The following PATJ variants were observed in gnomAD, a reference collection of about 807,000 sequenced individuals.
PATJ encodes the protein inaD-like protein.
PATJ carries 190 observed loss-of-function variants against 224.9 expected under a neutral mutation model. That is an observed-to-expected ratio of 0.84 (90% CI 0.75 to 0.95). The LOEUF is 0.95. Ranked by LOEUF, PATJ falls within the 40% of genes least tolerant of loss-of-function variation. The pLI, the probability that PATJ is intolerant of heterozygous loss-of-function variation, is 0.00. For synonymous variants in PATJ, 769 were observed against 820.3 expected (o/e 0.94, Z 1.07); for missense variants, 2,121 against 2,270.3 (o/e 0.93, Z 1.34).
At position 62,086,230 on chromosome 1, in the gene PATJ, G is replaced by A. The variant is rs570924330; in HGVS notation, c.4377+1582G>A. 9.3e-6 allele frequency among the ~76,000 whole-genome samples: 1 copy of A among 108,078 alleles called. No individual in the cohort carries two copies. The highest frequency in any genetic ancestry group is 3.0e-5 in the African/African-American group (1 of 32,910). 70.9% of individuals were successfully genotyped at this position (108,078 alleles called of 152,430 possible). On this transcript the variant is annotated intron_variant, in intron 33 of 43. Coordinates refer to ENST00000642238, the MANE Select transcript of PATJ (RefSeq NM_001350145.3). This position sits in a 1 kb window ranked among gnomAD's most constrained non-coding sequence, Gnocchi z 4.0. ...CTCAAGATGTGATTAATTAATGCAT[G>A]TGTGTGTGTGTGTATGTGTGTGTGT...
In PATJ at chr1:61,901,282, T is replaced by A. The variant is rs1394225476; in HGVS notation, c.3204T>A (p.Ile1068=). 1 of 1,522,404 alleles carries A rather than the reference T, an allele frequency of 6.6e-7. No homozygotes were observed. Among genetic ancestry groups the A allele is most frequent in the Non-Finnish European group, 8.7e-7 (1 of 1,145,000 alleles). The allele number at this position is 1,522,404 out of a possible 1,614,324, so 94.3% of individuals were successfully genotyped here. ...AGTTTTGTTTTTTTCCTTTATATAG[T>A]GTTGAGATTTTTAGAGAACCCAATG... ...PNFSHWGPPR[I]VEIFREPNVS... is the part of the protein sequence containing the mutation. The change falls in exon 24 of 44, where the codon ATT becomes ATA. Residue 1068 remains isoleucine, a splice_region_variant and synonymous_variant. Coordinates refer to ENST00000642238, the MANE Select transcript of PATJ (RefSeq NM_001350145.3).
chr1:61,992,284 A>G (rs1354140612), intron 28 of PATJ, among the ~76,000 whole-genome samples: 1 of 151,784 alleles, frequency 6.6e-6, no homozygotes, highest in Non-Finnish European at 1.5e-5. Context: ...TGCCCAGCTA[A>G]TATTTGTATT....
intron 7 of PATJ, among the ~76,000 whole-genome samples, chr1:61,781,532 C>T (rs1447064924): frequency 6.6e-6 from 1 of 152,164 alleles, no homozygotes; most frequent in Non-Finnish European, 1.5e-5. Flanking sequence ...TGGTATACAC[C>T]CTCCCTATTA....
intron 30 of PATJ, chr1:62,038,871 A>G (rs1650946784): frequency 1.3e-6 from 1 of 785,976 alleles, no homozygotes; most frequent in Non-Finnish European, 2.3e-6. Context: ...AGCGCATAGA[A>G]GATACAATGA....
In PATJ at chr1:61,856,238, T is replaced by C; in HGVS notation, c.2321T>C (p.Val774Ala). The C allele has an allele frequency of 1.2e-6, 2 of 1,611,544 alleles. No individual in the cohort carries two copies. Among genetic ancestry groups the C allele is most frequent in the Non-Finnish European group, 1.7e-6 (2 of 1,177,636 alleles). The change falls in exon 18 of 44, where the codon GTG (valine) becomes GCG (alanine). Residue 774 changes from valine to alanine, a missense_variant and splice_region_variant. Val to Ala is a moderately conservative substitution (Grantham distance 64). Coordinates refer to ENST00000642238, the MANE Select transcript of PATJ (RefSeq NM_001350145.3). ...CACCTTGGCATCTGTAAGCCTTTGG[T>C]GGTAAGTGTTGTATTTTGTTAATAT... ...LVHLGICKPL[V>A]EDNEEESCYI...
chr1:61,873,077 G>T (rs368702178), intron 20 of PATJ, among the ~76,000 whole-genome samples: 1 of 152,006 alleles, frequency 6.6e-6, no homozygotes, highest in African/African-American at 2.4e-5. Flanking sequence ...CAGCAATAAA[G>T]AATAACATAG....
chr1:62,085,820 G>GT (rs1273227892), intron 33 of PATJ, among the ~76,000 whole-genome samples: 10 of 110,588 alleles, frequency 9.0e-5, no homozygotes, highest in African/African-American at 1.2e-4. Flanking sequence ...CCCTGTCTCT[G>GT]TTTAAAAAAA....
intron 29 of PATJ, among the ~76,000 whole-genome samples, chr1:62,022,134 A>G (rs1447131398): frequency 6.6e-6 from 1 of 152,238 alleles, no homozygotes; most frequent in African/African-American, 2.4e-5. Context: ...CTATTAAAAT[A>G]TGCTGCAGGC....
chr1:62,040,348 A>G (rs1049317723), intron 30 of PATJ, among the ~76,000 whole-genome samples: 4 of 151,892 alleles, frequency 2.6e-5, no homozygotes, highest in Admixed American at 2.6e-4. Context: ...ACCTCAGATG[A>G]TCTGCCCGTC....
At position 61,829,889 on chromosome 1, in the gene PATJ, G is replaced by A. The variant is rs116259448; in HGVS notation, c.1980+2306G>A. ...ATTAGCCATTGGAACTTTACTTTTT[G>A]TTGGAAGATATAAGTGTTTTCTTTT... On this transcript the variant is annotated intron_variant, in intron 16 of 43. Coordinates refer to ENST00000642238, the MANE Select transcript of PATJ (RefSeq NM_001350145.3). 3.2e-3 allele frequency among the ~76,000 whole-genome samples: 490 copies of A among 152,268 alleles called. 3 individuals carry two copies. Among genetic ancestry groups the A allele is most frequent in the African/African-American group, 0.011 (475 of 41,562 alleles).
intron 27 of PATJ, among the ~76,000 whole-genome samples, chr1:61,989,056 G>C (rs1298254626): frequency 6.6e-6 from 1 of 152,160 alleles, no homozygotes; most frequent in African/African-American, 2.4e-5. Context: ...CTTGTGTTCT[G>C]CGGGGCACAG....
At chr1:61,812,388 G>C (rs1330624394) in intron 14 of PATJ, among the ~76,000 whole-genome samples, 1 of 126,534 alleles carries the variant, frequency 7.9e-6, no homozygotes, top group African/African-American at 2.9e-5. Flanking sequence ...GAGAGAGAGA[G>C]AGAGAGAATG....
chr1:62,101,344 A>C (rs1360255830), intron 33 of PATJ, among the ~76,000 whole-genome samples: 2 of 150,698 alleles, frequency 1.3e-5, no homozygotes, highest in African/African-American at 4.9e-5. Flanking sequence ...GCTCACTGCA[A>C]ACTCTGCCTC....
At chr1:61,932,611 T>C (rs919344229) in intron 27 of PATJ, among the ~76,000 whole-genome samples, 3 of 152,314 alleles carry the variant, frequency 2.0e-5, no homozygotes, top group Non-Finnish European at 2.9e-5. Flanking sequence ...ATAAAATAAC[T>C]GTAGTGTGCG....
At chr1:62,042,286 A>C (rs1216864711) in intron 30 of PATJ, among the ~76,000 whole-genome samples, 1 of 152,116 alleles carries the variant, frequency 6.6e-6, no homozygotes. Context: ...TTTTAGTTCC[A>C]CTCTGGACTG....
chr1:61,915,815 G>C (rs147333408), intron 26 of PATJ, among the ~76,000 whole-genome samples: 10,068 of 151,690 alleles, frequency 0.066, 969 homozygotes, highest in African/African-American at 0.21. Context: ...TCCTGCCTCA[G>C]CCTCCCAAGT....
At chr1:61,811,081 C>G (rs1196999919) in intron 14 of PATJ, among the ~76,000 whole-genome samples, 1 of 152,090 alleles carries the variant, frequency 6.6e-6, no homozygotes, top group Non-Finnish European at 1.5e-5. Flanking sequence ...AAGTCCATGT[C>G]TCAGTTTTTT....
At chr1:62,061,106 G>C (rs1364819232) in intron 31 of PATJ, among the ~76,000 whole-genome samples, 1 of 152,088 alleles carries the variant, frequency 6.6e-6, no homozygotes. Flanking sequence ...GTCCCCAGTA[G>C]GTAGTTTTTC....
chr1:62,110,910 A>G (rs558318206), intron 34 of PATJ, among the ~76,000 whole-genome samples: 60 of 152,270 alleles, frequency 3.9e-4, no homozygotes, highest in Non-Finnish European at 6.9e-4. Flanking sequence ...AATGTTCTAA[A>G]TAATGCATAC....
Sources: allele counts gnomAD v4.1 joint callset (sites outside exome capture counted in the v4.1 genomes callset), GRCh38; gene constraint gnomAD v4.1.1; non-coding constraint Gnocchi (gnomAD v3.1); transcripts MANE v1.5; gene names NCBI Gene and HGNC (gene_info 2026-07-23, HGNC 2026-07-21).